Variants in HADHA observed in about 807,000 individuals in gnomAD.
HADHA encodes trifunctional enzyme subunit alpha, mitochondrial.
HADHA carries 59 observed loss-of-function variants against 91.3 expected under a neutral mutation model. The ratio of observed to expected loss-of-function variants is 0.65; its 90% CI spans 0.52 to 0.80. The LOEUF is 0.80. Among genes scored for constraint, HADHA ranks in the 30% least tolerant of loss-of-function variants. The pLI is 0.00. For synonymous variants in HADHA, 320 were observed against 338.9 expected, an observed-to-expected ratio of 0.94 and a Z score of 0.61; for missense variants, 800 against 927.6, an observed-to-expected ratio of 0.86 and a Z score of 1.79.
At chr2:26,216,567 C>T (rs1461301823) in intron 7 of HADHA, among the ~76,000 whole-genome samples, 1 of 152,008 alleles carries the variant, frequency 6.6e-6, no homozygotes, top group Non-Finnish European at 1.5e-5. Flanking sequence ...ATGATCTGCC[C>T]ACCTCGGCCT....
At chr2:26,220,560 T>C (rs867334881) in intron 7 of HADHA, among the ~76,000 whole-genome samples, 1 of 152,258 alleles carries the variant, frequency 6.6e-6, no homozygotes, top group Non-Finnish European at 1.5e-5. Context: ...TGGATTACTG[T>C]ACATCTAATC....
chr2:26,206,254 G>A (rs80089663), intron 11 of HADHA, among the ~76,000 whole-genome samples: 1 of 147,448 alleles, frequency 6.8e-6, no homozygotes, highest in Non-Finnish European at 1.5e-5. Flanking sequence ...TTAAGATGGA[G>A]TTTCACTCTT....
chr2:26,199,443 A>G (rs1669773500), intron 13 of HADHA: 1 of 152,272 alleles, frequency 6.6e-6, no homozygotes, highest in Admixed American at 6.5e-5. Context: ...ACGTAGTGTC[A>G]GGTTACTTTC....
intron 4 of HADHA, among the ~76,000 whole-genome samples, chr2:26,235,504 T>G (rs2163244): frequency 6.6e-6 from 1 of 152,236 alleles, no homozygotes; most frequent in Non-Finnish European, 1.5e-5. Flanking sequence ...AAGCTACATG[T>G]ATTTTCCTCT....
intron 13 of HADHA, among the ~76,000 whole-genome samples, chr2:26,199,659 T>A (rs1669778457): frequency 6.6e-6 from 1 of 152,210 alleles, no homozygotes; most frequent in Non-Finnish European, 1.5e-5. Context: ...GAAGTTACCC[T>A]GCCAGTTCCA....
chr2:26,207,319 GTTTT>G (rs551382537), intron 11 of HADHA, among the ~76,000 whole-genome samples: 2 of 131,074 alleles, frequency 1.5e-5, no homozygotes, highest in African/African-American at 2.8e-5. Context: ...TATTTAGTAG[GTTTT>G]TTTTTTTTTT....
rs935359337 is a variant in HADHA at position 26,200,168 on chromosome 2, G to A, written c.1392+981C>T. ...TTGTTTGTTTATTTATTTATTTTGAGACGGAGTTTTGCTCTGTGGTACTCT... is the reference window on the plus strand; with the variant it reads ...TTGTTTGTTTATTTATTTATTTTGAAACGGAGTTTTGCTCTGTGGTACTCT... On this transcript the variant is annotated intron_variant, in intron 13 of 19. Transcript: ENST00000380649. Among the ~76,000 whole-genome samples, 3 of 152,174 alleles carry A rather than the reference G, an allele frequency of 2.0e-5. No individual in the cohort carries two copies. In the East Asian group the frequency reaches 5.8e-4, roughly 29 times the overall value.
intron 14 of HADHA, among the ~76,000 whole-genome samples, chr2:26,195,796 G>A (rs899198449): frequency 1.3e-5 from 2 of 152,224 alleles, no homozygotes; most frequent in Admixed American, 6.5e-5. Flanking sequence ...ACCTGGGAGC[G>A]TTAGGCCTGC....
chr2:26,230,154 C>T (rs755600186), intron 7 of HADHA, 38 bp downstream of exon 7: 2 of 1,277,190 alleles, frequency 1.6e-6, no homozygotes, highest in Non-Finnish European at 2.3e-6. Context: ...AAATAAGTAA[C>T]TTTATAAGGT....
Position 26,209,826 on chromosome 2 carries a change from C to T in HADHA, c.1039G>A (p.Val347Ile), listed in dbSNP as rs370792678. ...CCAAATTTATTCTTCTTGCACAGGACCTGACCATGGTAGAGTCCCATCAAG... is the reference window on the plus strand; with the variant it reads ...CCAAATTTATTCTTCTTGCACAGGATCTGACCATGGTAGAGTCCCATCAAG... ...KALMGLYHGQVLCKKNKFGAP... is the reference protein window; with the variant it reads ...KALMGLYHGQILCKKNKFGAP... Residue 347 changes from valine to isoleucine, a missense_variant, in exon 11 of 20, where the codon GTC (valine) becomes ATC (isoleucine). Transcript: ENST00000380649. The T allele has an allele frequency of 1.1e-5, 18 of 1,606,136 alleles. No individual in the cohort carries two copies. The highest frequency in any genetic ancestry group is 2.2e-5 in the South Asian group (2 of 90,940).
intron 7 of HADHA, among the ~76,000 whole-genome samples, chr2:26,224,114 C>T (rs1670435213): frequency 6.6e-6 from 1 of 152,152 alleles, no homozygotes. Flanking sequence ...TCCATAAAGC[C>T]GCAGGAACCT....
At chr2:26,215,784 T>C (rs1300342987) in intron 7 of HADHA, among the ~76,000 whole-genome samples, 1 of 152,208 alleles carries the variant, frequency 6.6e-6, no homozygotes, top group Non-Finnish European at 1.5e-5. Context: ...CCAAGGAACA[T>C]TTGTGAAAGT....
At chr2:26,227,875 GCCTGATCATAGCTCCATGTGA>G (rs1365303118) in intron 7 of HADHA, among the ~76,000 whole-genome samples, 11 of 151,794 alleles carry the variant, frequency 7.2e-5, no homozygotes, top group Non-Finnish European at 1.0e-4. Flanking sequence ...GAGTGCAGTG[GCCTGATCATAGCTCCATGTGA>G]CTTCAAACTC....
intron 1 of HADHA, among the ~76,000 whole-genome samples, chr2:26,242,215 C>G (rs1286274502): frequency 2.6e-5 from 4 of 152,186 alleles, no homozygotes; most frequent in Admixed American, 2.6e-4. Context: ...TTATCATCCA[C>G]CAGCAAAGGT....
In HADHA at chr2:26,194,693, A is replaced by G; in HGVS notation, c.1621-55T>C. ...GCCCTGCTGCTGGGACTGAGTCTGA[A>G]ACACTCTACCTTTCCCAGGGTCACT... On this transcript the variant is annotated intron_variant, in intron 15 of 19. Coordinates refer to ENST00000380649, the MANE Select transcript of HADHA (RefSeq NM_000182.5). 9 of 1,103,036 alleles carry G rather than the reference A, an allele frequency of 8.2e-6. 1 individual carries two copies. In the South Asian group the frequency reaches 1.1e-4, roughly 14 times the overall value. The allele number at this position is 1,103,036 out of a possible 1,614,324, so 68.3% of individuals were successfully genotyped here.
At position 26,213,002 on chromosome 2, in the gene HADHA, A is replaced by G. The variant is rs1265745839; in HGVS notation, c.919-376T>C. On this transcript the variant is annotated intron_variant, in intron 9 of 19. Coordinates refer to ENST00000380649, the MANE Select transcript of HADHA (RefSeq NM_000182.5). ...ACATTAATGAACTCTACAAAATTCA[A>G]TGTAACATTTGGGGTAAGTACTATC... Among the ~76,000 whole-genome samples, 7 of 152,232 alleles carry G rather than the reference A, an allele frequency of 4.6e-5. No individual in the cohort carries two copies. In the South Asian group the frequency reaches 6.2e-4, roughly 14 times the overall value.
In HADHA at chr2:26,190,943, C is replaced by T. The variant is rs1238464334; in HGVS notation, c.*307G>A. ...AACTGCCCTCACCACCCCTGGCCACCCTGGCCTCTTGGGAGGAACAGGCAG... is the reference window on the plus strand; with the variant it reads ...AACTGCCCTCACCACCCCTGGCCACTCTGGCCTCTTGGGAGGAACAGGCAG... On this transcript the variant is annotated 3_prime_UTR_variant, in exon 20 of 20. Transcript: ENST00000380649. The T allele has an allele frequency of 3.9e-6, 2 of 508,964 alleles. No homozygotes were observed. Among genetic ancestry groups the T allele is most frequent in the Non-Finnish European group, 7.2e-6 (2 of 279,708 alleles). The allele number at this position is 508,964 out of a possible 1,614,324, so 31.5% of individuals were successfully genotyped here.
At chr2:26,213,837 GAT>G (rs1473790599) in intron 9 of HADHA, among the ~76,000 whole-genome samples, 1 of 152,138 alleles carries the variant, frequency 6.6e-6, no homozygotes, top group African/African-American at 2.4e-5. Context: ...TTCTACTCAA[GAT>G]ATACTTGCTG....
chr2:26,225,189 A>T (rs1369981292), intron 7 of HADHA, among the ~76,000 whole-genome samples: 1 of 152,258 alleles, frequency 6.6e-6, no homozygotes, highest in East Asian at 1.9e-4. Flanking sequence ...AATCTTCCAG[A>T]AAATATAAGA....
Sources: allele counts gnomAD v4.1 joint callset (sites outside exome capture counted in the v4.1 genomes callset), GRCh38; gene constraint gnomAD v4.1.1; transcripts MANE v1.5; gene names NCBI Gene and HGNC (gene_info 2026-07-23, HGNC 2026-07-21).